Variants in PTPN3 observed in about 807,000 individuals in gnomAD.
PTPN3 encodes the protein protein tyrosine phosphatase non-receptor type 3.
In PTPN3, 96 loss-of-function variants were observed where a neutral mutation model predicts 132.7. That is an observed-to-expected ratio of 0.72 (90% CI 0.61 to 0.86). PTPN3 has a LOEUF of 0.86. Among genes scored for constraint, PTPN3 ranks in the 40% least tolerant of loss-of-function variants. The probability of loss-of-function intolerance (pLI) is 0.00; values close to 1 mark genes in which losing one functional copy is unlikely to be tolerated. For missense variants in PTPN3, 1,125 were observed against 1,159.6 expected, an observed-to-expected ratio of 0.97 and a Z score of 0.43; for synonymous variants, 398 against 429.0, an observed-to-expected ratio of 0.93 and a Z score of 0.89.
rs147174947 is a variant in PTPN3 at position 109,410,283 on chromosome 9, G to C, written c.1446C>G (p.His482Gln). The C allele has an allele frequency of 6.2e-7, 1 of 1,614,050 alleles. No individual in the cohort carries two copies. The highest frequency in any genetic ancestry group is 1.3e-5 in the African/African-American group (1 of 74,910). Residue 482 changes from histidine (H) to glutamine (Q), a missense_variant, in exon 15 of 26, where the codon CAC (histidine) becomes CAG (glutamine). Physicochemically the swap from His to Gln is conservative, Grantham distance 24. Transcript: ENST00000374541. ...GVDQQLLDDF[H>Q]RVTKGGSTED... ...CGGTGGAGCCCCCTTTGGTCACCCT[G>C]TGGAAGTCATCTAAGAGCTGCTGAT...
Position 109,445,245 on chromosome 9 carries a change from A to G in PTPN3, c.461T>C (p.Val154Ala). 4.3e-6 allele frequency: 7 copies of G among 1,613,272 alleles called. No homozygotes were observed. The highest frequency in any genetic ancestry group is 5.9e-6 in the Non-Finnish European group (7 of 1,179,178). The stretch of plus-strand genomic sequence containing the variant: ...ATGCTCCCTTTGTGACTTACATTGT[A>G]CGGCATAGGACGCTAGAACCACTGC... ...NSAVVLASYA[V>A]QSHFGDYNSS... is the part of the protein sequence containing the mutation. The change falls in exon 7 of 26, where the codon GTA becomes GCA. Residue 154 changes from valine (V) to alanine (A), a missense_variant. By Grantham distance (64) the Val-to-Ala change is moderately conservative. Coordinates refer to ENST00000374541, the MANE Select transcript of PTPN3 (RefSeq NM_002829.4).
intron 1 of PTPN3, among the ~76,000 whole-genome samples, chr9:109,493,104 G>A (rs1847532722): frequency 6.6e-6 from 1 of 152,098 alleles, no homozygotes; most frequent in African/African-American, 2.4e-5. Context: ...ACAGACTTGG[G>A]TTCAAATGTT....
rs554141961 is a variant in PTPN3, at chr9:109,448,988, G to C, written c.369-133C>G. ...ACATAAAAATACGGTTTTGGTCCAA[G>C]GTATCAGGTGCTACCTTACGCTCTG... On this transcript the variant is annotated intron_variant, in intron 5 of 25. Transcript: ENST00000374541. 7 of 1,460,104 alleles carry C rather than the reference G, an allele frequency of 4.8e-6. 1 individual carries two copies. The South Asian group carries it at 7.4e-5, about 15-fold the overall frequency. The allele number at this position is 1,460,104 out of a possible 1,614,324, so 90.4% of individuals were successfully genotyped here.
the PTPN3 span, among the ~76,000 whole-genome samples, chr9:109,507,429 G>C: frequency 4.7e-3 from 720 of 152,316 alleles, 4 homozygotes; most frequent in African/African-American, 0.017. Flanking sequence ...AGAACACTGT[G>C]CTCCGAATTC....
chr9:109,514,306 G>C, the PTPN3 span, among the ~76,000 whole-genome samples: 1 of 152,086 alleles, frequency 6.6e-6, no homozygotes, highest in Non-Finnish European at 1.5e-5. Flanking sequence ...TCCTCTGCTT[G>C]AAAACTTGCA....
intron 1 of PTPN3, among the ~76,000 whole-genome samples, chr9:109,497,303 A>G (rs917037360): frequency 6.6e-6 from 1 of 152,168 alleles, no homozygotes; most frequent in Non-Finnish European, 1.5e-5. Context: ...TGTGCCGGGC[A>G]CGGTGCCAAA....
At position 109,382,866 on chromosome 9, in the gene PTPN3, C is replaced by A. The variant is rs566797381; in HGVS notation, c.2383-419G>T. ...GAGAATACTCGCAATGTTGTAGAGC[C>A]ATCAGCACTACCTATTTCCAGAACT... On this transcript the variant is annotated intron_variant, in intron 23 of 25. Coordinates refer to ENST00000374541, the MANE Select transcript of PTPN3 (RefSeq NM_002829.4). 1.1e-4 allele frequency among the ~76,000 whole-genome samples: 17 copies of A among 152,090 alleles called. 1 individual carries two copies. The South Asian group carries it at 3.5e-3, about 32-fold the overall frequency.
the PTPN3 span, among the ~76,000 whole-genome samples, chr9:109,517,476 G>A: frequency 3.9e-5 from 6 of 152,296 alleles, no homozygotes; most frequent in South Asian, 4.1e-4. Context: ...CTGCTATACC[G>A]TCCAAAGCGC....
At chr9:109,431,973 A>G (rs998222969) in intron 10 of PTPN3, among the ~76,000 whole-genome samples, 2 of 151,382 alleles carry the variant, frequency 1.3e-5, no homozygotes, top group African/African-American at 4.8e-5. Flanking sequence ...TAAGCATGCA[A>G]TAAGAATTAC....
intron 4 of PTPN3, among the ~76,000 whole-genome samples, chr9:109,456,193 G>A (rs934466106): frequency 2.0e-5 from 3 of 152,362 alleles, no homozygotes; most frequent in East Asian, 1.9e-4. Flanking sequence ...GCGCACCTGC[G>A]TGCGCAAATC....
At chr9:109,389,172 C>G in intron 22 of PTPN3, 61 bp downstream of exon 22, 1 of 1,581,392 alleles carries the variant, frequency 6.3e-7, no homozygotes, top group Middle Eastern at 1.7e-4. Flanking sequence ...CGCTGAGATT[C>G]ATGTTACACA....
chr9:109,452,531 CATATT>C (rs1455862895), intron 5 of PTPN3, among the ~76,000 whole-genome samples: 2 of 151,410 alleles, frequency 1.3e-5, no homozygotes, highest in Admixed American at 6.6e-5. Context: ...TAAACACACA[CATATT>C]ATGTTGTTTT....
chr9:109,533,813 C>A, the PTPN3 span: 1 of 943,728 alleles, frequency 1.1e-6, no homozygotes, highest in Non-Finnish European at 1.7e-6. Flanking sequence ...ACGCTCCCAT[C>A]CCTCGTTCTT....
rs774110577 is a variant in PTPN3 at position 109,422,849 on chromosome 9, C to T, written c.1005G>A (p.Ser335=). Residue 335 remains serine, a synonymous_variant, in exon 13 of 26, where the codon TCG becomes TCA. Transcript: ENST00000374541. ...CCTTTTTGCAATATTGGTTATTTACCGACCTGAAAAACCAGATGCAGGTTC... is the reference window on the plus strand; with the variant it reads ...CCTTTTTGCAATATTGGTTATTTACTGACCTGAAAAACCAGATGCAGGTTC... ...WTMGSRNTKK[S]VNNQYCKKVI... 3.1e-6 allele frequency: 5 copies of T among 1,612,582 alleles called. No individual in the cohort carries two copies. The highest frequency in any genetic ancestry group is 1.7e-5 in the Admixed American group (1 of 59,806).
chr9:109,450,577 A>C (rs1178152157), intron 5 of PTPN3: 1 of 985,000 alleles, frequency 1.0e-6, no homozygotes, highest in Non-Finnish European at 1.2e-6. Flanking sequence ...AGAAACTAGA[A>C]TAGTGGAACC....
chr9:109,446,789 C>T (rs1456611535), intron 6 of PTPN3, among the ~76,000 whole-genome samples: 5 of 152,350 alleles, frequency 3.3e-5, no homozygotes, highest in African/African-American at 1.2e-4. Flanking sequence ...AGCCTCTGTT[C>T]TGCTCTCAAC....
the PTPN3 span, among the ~76,000 whole-genome samples, chr9:109,518,488 A>G: frequency 1.3e-5 from 2 of 152,158 alleles, no homozygotes; most frequent in African/African-American, 4.8e-5. Flanking sequence ...ACAGGTGCTG[A>G]TCAGGGTGAC....
At chr9:109,510,885 G>A in the PTPN3 span, among the ~76,000 whole-genome samples, 65 of 151,628 alleles carry the variant, frequency 4.3e-4, no homozygotes, top group Non-Finnish European at 3.7e-4. Flanking sequence ...GTGCTAAAAG[G>A]TTTTTCTAGA....
chr9:109,441,947 G>T (rs574524941), intron 7 of PTPN3, among the ~76,000 whole-genome samples: 40 of 152,204 alleles, frequency 2.6e-4, no homozygotes, highest in South Asian at 8.3e-4. Context: ...TTGGTTAGCT[G>T]GTCACAGTGA....
Sources: allele counts gnomAD v4.1 joint callset (sites outside exome capture counted in the v4.1 genomes callset), GRCh38; gene constraint gnomAD v4.1.1; transcripts MANE v1.5; gene names NCBI Gene and HGNC (gene_info 2026-07-23, HGNC 2026-07-21).